Variants in FAM53B observed in about 807,000 individuals in gnomAD.
FAM53B encodes the protein family with sequence similarity 53 member B.
In FAM53B, 12 loss-of-function variants were observed where a neutral mutation model predicts 32.7. The ratio of observed to expected loss-of-function variants is 0.37; its 90% confidence interval spans 0.24 to 0.59. FAM53B has a LOEUF of 0.59. FAM53B is among the 20% of genes least tolerant of loss of function. The pLI is 0.72. For synonymous variants in FAM53B, 234 were observed against 228.7 expected, an observed-to-expected ratio of 1.02 and a Z score of -0.21; for missense variants, 477 against 577.7, an observed-to-expected ratio of 0.83 and a Z score of 1.79.
At chr10:124,735,354 A>T (rs1373090657) in intron 1 of FAM53B, among the ~76,000 whole-genome samples, 1 of 152,246 alleles carries the variant, frequency 6.6e-6, no homozygotes, top group Non-Finnish European at 1.5e-5. Context: ...GAGCAAAAGT[A>T]AATCACTTTT....
At chr10:124,662,744 A>G (rs914059238) in intron 4 of FAM53B, among the ~76,000 whole-genome samples, 2 of 152,192 alleles carry the variant, frequency 1.3e-5, no homozygotes, top group African/African-American at 4.8e-5. Context: ...GGATCACTTG[A>G]GCCCAGGAGT....
chr10:124,712,201 C>A (rs1403213864), intron 1 of FAM53B, among the ~76,000 whole-genome samples: 1 of 152,008 alleles, frequency 6.6e-6, no homozygotes, highest in South Asian at 2.1e-4. Context: ...CTAAAAAATG[C>A]AAAAATTAGC....
chr10:124,696,263 T>C (rs1231181299), intron 2 of FAM53B, 51 bp from the exon 3 acceptor site: 1 of 1,452,174 alleles, frequency 6.9e-7, no homozygotes, highest in Admixed American at 1.7e-5. Flanking sequence ...GGAAGCATGT[T>C]TGCACTGACT....
Position 124,682,304 on chromosome 10 carries a change from C to T in FAM53B, c.209G>A (p.Cys70Tyr). 1 of 1,613,986 alleles carries T rather than the reference C, an allele frequency of 6.2e-7. No homozygotes were observed. Among genetic ancestry groups the T allele is most frequent in the Non-Finnish European group, 8.5e-7 (1 of 1,179,990 alleles). The change falls in exon 4 of 5, where the codon TGC becomes TAC. Residue 70 changes from cysteine (C) to tyrosine (Y), a missense_variant. Around this residue, in one of 2 missense-constraint regions of FAM53B, gnomAD observed 312 missense variants for 420.2 expected, o/e 0.74. Transcript: ENST00000337318. This position sits in a 1 kb window ranked among gnomAD's most constrained non-coding sequence, Gnocchi z 5.2. ...IDQPSTSIWE[C>Y]LPEKDSSLWH... ...TAGTGAGCTGTCCTTTTCAGGCAGG[C>T]ATTCCCAGATGCTGGTGCTCGGTTG...
chr10:124,629,925 T>C (rs936374043), intron 4 of FAM53B, among the ~76,000 whole-genome samples: 3 of 152,152 alleles, frequency 2.0e-5, no homozygotes, highest in African/African-American at 7.2e-5. Context: ...TGGTGGCTTC[T>C]TTTCCTCTGA....
chr10:124,656,224 C>G (rs889696342), intron 4 of FAM53B, among the ~76,000 whole-genome samples: 3 of 152,246 alleles, frequency 2.0e-5, no homozygotes, highest in Non-Finnish European at 4.4e-5. Context: ...AACCAAGAGG[C>G]GTCTAGGTTT....
chr10:124,685,092 T>C (rs891614448), intron 3 of FAM53B, among the ~76,000 whole-genome samples: 3 of 152,190 alleles, frequency 2.0e-5, no homozygotes, highest in Admixed American at 6.5e-5. Context: ...ATGCTAACAA[T>C]ATAAAGCTGA....
At chr10:124,673,781 T>C (rs1949720888) in intron 4 of FAM53B, among the ~76,000 whole-genome samples, 1 of 152,236 alleles carries the variant, frequency 6.6e-6, no homozygotes, top group Non-Finnish European at 1.5e-5. Flanking sequence ...AGGGAGCTTC[T>C]GGGACCCCGA....
At chr10:124,668,489 G>C (rs966426572) in intron 4 of FAM53B, among the ~76,000 whole-genome samples, 1 of 152,274 alleles carries the variant, frequency 6.6e-6, no homozygotes, top group Non-Finnish European at 1.5e-5. Context: ...ACTAGCAAGG[G>C]GGATACGGGC....
chr10:124,653,817 A>T (rs1949570235), intron 4 of FAM53B, among the ~76,000 whole-genome samples: 1 of 152,214 alleles, frequency 6.6e-6, no homozygotes, highest in Non-Finnish European at 1.5e-5. Context: ...GGGGGAGTCC[A>T]TGTGTGGCCA....
rs7914946 is a variant in FAM53B, at chr10:124,620,682, G to C, written c.*2560C>G. The C allele has an allele frequency of 6.6e-6, 1 of 152,494 alleles. No individual in the cohort carries two copies. The highest frequency in any genetic ancestry group is 1.5e-5 in the Non-Finnish European group (1 of 68,264). The allele number at this position is 152,494 out of a possible 1,614,324, so 9.4% of individuals were successfully genotyped here. On this transcript the variant is annotated 3_prime_UTR_variant, in exon 5 of 5. Coordinates refer to ENST00000337318, the MANE Select transcript of FAM53B (RefSeq NM_014661.4). The stretch of plus-strand genomic sequence containing the variant: ...GTGGAGTGCAGGAACAGGCTGCTCC[G>C]GGCAGTGTGGCAGCTTGGATGATGG...
At position 124,682,032 on chromosome 10, in the gene FAM53B, T is replaced by C; in HGVS notation, c.481A>G (p.Thr161Ala). Reference protein sequence around the residue: ...SVQRYSNGFSTMQRSSSFSLP... With the variant: ...SVQRYSNGFSAMQRSSSFSLP... The stretch of plus-strand genomic sequence containing the variant: ...CTGAAGCTGGAACTCCTCTGCATGG[T>C]GCTGAAGCCGTTGGAATAGCGCTGG... Residue 161 changes from threonine to alanine, a missense_variant, in exon 4 of 5, where the codon ACC becomes GCC. Thr to Ala is a moderately conservative substitution (Grantham distance 58, BLOSUM62 0). Coordinates refer to ENST00000337318, the MANE Select transcript of FAM53B (RefSeq NM_014661.4). The surrounding 1 kb of genome is among the most constrained non-coding windows in gnomAD (Gnocchi z 5.2). The C allele has an allele frequency of 1.2e-6, 2 of 1,613,758 alleles. No homozygotes were observed. The highest frequency in any genetic ancestry group is 1.3e-5 in the African/African-American group (1 of 75,048).
intron 1 of FAM53B, among the ~76,000 whole-genome samples, chr10:124,730,000 G>A (rs917131005): frequency 3.1e-4 from 47 of 152,162 alleles, no homozygotes; most frequent in Admixed American, 3.0e-3. Context: ...CTCAACACAC[G>A]GCATCAGTGT....
At chr10:124,708,473 G>C (rs1412961011) in intron 1 of FAM53B, among the ~76,000 whole-genome samples, 2 of 152,252 alleles carry the variant, frequency 1.3e-5, no homozygotes, top group Non-Finnish European at 2.9e-5. Flanking sequence ...GTCGCATTGA[G>C]AGACCTGATG....
chr10:124,661,637 G>A (rs997719485), intron 4 of FAM53B, among the ~76,000 whole-genome samples: 1 of 152,198 alleles, frequency 6.6e-6, no homozygotes, highest in African/African-American at 2.4e-5. Flanking sequence ...ACCTTTTACT[G>A]TCCTCTGCCA....
chr10:124,743,803 C>T (rs1257404162), intron 1 of FAM53B, among the ~76,000 whole-genome samples: 1 of 151,670 alleles, frequency 6.6e-6, no homozygotes, highest in Admixed American at 6.6e-5. Context: ...ACCGAGCGCC[C>T]GGAGAAACCG....
chr10:124,698,022 G>A (rs1949886160), intron 2 of FAM53B, among the ~76,000 whole-genome samples: 1 of 152,224 alleles, frequency 6.6e-6, no homozygotes, highest in Admixed American at 6.5e-5. Context: ...CTGCTGCTGG[G>A]GCTGCACTGC....
intron 4 of FAM53B, chr10:124,667,116 A>C: frequency 6.1e-5 from 26 of 423,164 alleles, no homozygotes; most frequent in Middle Eastern, 6.6e-4. Flanking sequence ...AGCAGTGGCC[A>C]GGCCAAACTG....
chr10:124,727,340 G>C (rs76285394), intron 1 of FAM53B, among the ~76,000 whole-genome samples: 6 of 146,410 alleles, frequency 4.1e-5, no homozygotes, highest in African/African-American at 7.7e-5. Context: ...TGGGGGGGGG[G>C]GGGGTGCGGG....
Sources: allele counts gnomAD v4.1 joint callset (sites outside exome capture counted in the v4.1 genomes callset), GRCh38; gene constraint gnomAD v4.1.1; regional missense constraint gnomAD v4.1.1; non-coding constraint Gnocchi (gnomAD v3.1); transcripts MANE v1.5; gene names NCBI Gene and HGNC (gene_info 2026-07-23, HGNC 2026-07-21).